PCDH15: variants seen among roughly 807,000 people sequenced by gnomAD.
PCDH15 encodes protocadherin-15.
A neutral mutation model predicts 178.5 loss-of-function variants in PCDH15; 129 were observed. That is an observed-to-expected ratio of 0.72 (90% CI 0.63 to 0.84). PCDH15 has a LOEUF of 0.84. Among genes scored for constraint, PCDH15 ranks in the 40% least tolerant of loss-of-function variants. The pLI, the probability that PCDH15 is intolerant of heterozygous loss-of-function variation, is 0.00. For missense variants in PCDH15, 2,230 were observed against 2,099.9 expected (o/e 1.06, Z -1.21); for synonymous variants, 800 against 732.0 (o/e 1.09, Z -1.50).
chr10:54,484,130 C>T (rs953545770), intron 3 of PCDH15, among the ~76,000 whole-genome samples: 1 of 151,814 alleles, frequency 6.6e-6, no homozygotes, highest in Non-Finnish European at 1.5e-5. Context: ...TGGAACCCAA[C>T]GAGTGATGCC....
At chr10:54,443,605 A>G (rs929724093) in intron 3 of PCDH15, among the ~76,000 whole-genome samples, 1 of 151,754 alleles carries the variant, frequency 6.6e-6, no homozygotes, top group Non-Finnish European at 1.5e-5. Context: ...TTAAACATCC[A>G]TCTGTCGGAC....
intron 8 of PCDH15, among the ~76,000 whole-genome samples, chr10:54,309,873 T>C (rs2060796054): frequency 6.6e-6 from 1 of 152,028 alleles, no homozygotes; most frequent in African/African-American, 2.4e-5. Flanking sequence ...CAAAGAAGTT[T>C]AAAGAATTCA....
At chr10:53,927,402 A>AC (rs2084659244) in intron 25 of PCDH15, among the ~76,000 whole-genome samples, 1 of 152,142 alleles carries the variant, frequency 6.6e-6, no homozygotes, top group Admixed American at 6.6e-5. Context: ...TAACTCATCA[A>AC]ATGTTCTTGC....
intron 2 of PCDH15, among the ~76,000 whole-genome samples, chr10:55,108,027 T>C (rs571009422): frequency 6.6e-6 from 1 of 152,238 alleles, no homozygotes; most frequent in African/African-American, 2.4e-5. Context: ...ATGATAGAAT[T>C]GGTGCCCATA....
intron 8 of PCDH15, among the ~76,000 whole-genome samples, chr10:54,317,022 A>G (rs1564947611): frequency 6.6e-6 from 1 of 152,158 alleles, no homozygotes; most frequent in African/African-American, 2.4e-5. Flanking sequence ...TTATTGGTAA[A>G]AAAATAAAAT....
chr10:53,985,714 A>G (rs1035569145), intron 21 of PCDH15, among the ~76,000 whole-genome samples: 7 of 151,968 alleles, frequency 4.6e-5, no homozygotes, highest in African/African-American at 1.7e-4. Context: ...ACTCCCTACT[A>G]CCTTATGCTA....
At chr10:54,979,492 A>G (rs1412897387) in intron 2 of PCDH15, among the ~76,000 whole-genome samples, 2 of 151,978 alleles carry the variant, frequency 1.3e-5, no homozygotes, top group Non-Finnish European at 2.9e-5. Context: ...AACACAGCAA[A>G]GCCCCATCTC....
At chr10:54,814,675 A>T (rs779521206) in intron 3 of PCDH15, among the ~76,000 whole-genome samples, 3 of 152,206 alleles carry the variant, frequency 2.0e-5, no homozygotes, top group Non-Finnish European at 2.9e-5. Flanking sequence ...CAGCTATAAG[A>T]CATGATTACA....
At chr10:55,552,869 A>G (rs2132089732) in intron 2 of PCDH15, among the ~76,000 whole-genome samples, 1 of 151,738 alleles carries the variant, frequency 6.6e-6, no homozygotes, top group South Asian at 2.1e-4. Context: ...TGCAGGGAAT[A>G]CTAAACAACG....
chr10:54,067,122 T>C (rs1188323209), intron 17 of PCDH15, among the ~76,000 whole-genome samples: 1 of 152,128 alleles, frequency 6.6e-6, no homozygotes, highest in Non-Finnish European at 1.5e-5. Flanking sequence ...AGGGCAAACA[T>C]CTTTTTGGAA....
At chr10:54,013,964 G>A (rs1039653045) in intron 20 of PCDH15, among the ~76,000 whole-genome samples, 2 of 151,530 alleles carry the variant, frequency 1.3e-5, no homozygotes, top group African/African-American at 4.8e-5. Flanking sequence ...ATGAATTTAG[G>A]AATTATCTTA....
intron 10 of PCDH15, among the ~76,000 whole-genome samples, chr10:54,203,459 A>G (rs2050457000): frequency 6.6e-6 from 1 of 152,186 alleles, no homozygotes; most frequent in Non-Finnish European, 1.5e-5. Context: ...TTTTAAATAA[A>G]GGAACCTCAG....
chr10:55,515,935 A>T (rs1841003879), intron 2 of PCDH15, among the ~76,000 whole-genome samples: 1 of 152,184 alleles, frequency 6.6e-6, no homozygotes, highest in Non-Finnish European at 1.5e-5. Flanking sequence ...AGGAATTCAG[A>T]TTTCCAAAGT....
rs531000746 is a variant in PCDH15 at position 54,997,733 on chromosome 10, T to A, written c.-79-100233A>T. ...TAATATTTACAGGTTATAAAATGGT[T>A]AACAAGGAAATGCTGATTTTGTCTA... is the stretch of plus-strand genomic sequence containing the variant. On this transcript the variant is annotated intron_variant, in intron 2 of 5. Coordinates refer to the PCDH15 transcript ENST00000458638. 4.6e-5 allele frequency among the ~76,000 whole-genome samples: 7 copies of A among 152,278 alleles called. No homozygotes were observed. In the South Asian group the frequency reaches 1.4e-3, roughly 32 times the overall value.
At chr10:55,251,495 C>A (rs1358806892) in intron 1 of PCDH15, among the ~76,000 whole-genome samples, 1 of 152,054 alleles carries the variant, frequency 6.6e-6, no homozygotes, top group Non-Finnish European at 1.5e-5. Context: ...ATTCATTCAG[C>A]ATAAGTATGT....
intron 3 of PCDH15, among the ~76,000 whole-genome samples, chr10:54,893,533 G>T (rs565882653): frequency 1.3e-5 from 2 of 152,110 alleles, no homozygotes; most frequent in East Asian, 3.9e-4. Flanking sequence ...AGAATAACTT[G>T]CTTGGTTAGT....
chr10:54,576,065 A>G (rs1338067747), intron 2 of PCDH15, among the ~76,000 whole-genome samples: 1 of 134,270 alleles, frequency 7.4e-6, no homozygotes, highest in East Asian at 2.2e-4. Context: ...AAACAAACAA[A>G]CAAGCTCTAT....
chr10:54,674,473 G>A (rs1472985900), intron 1 of PCDH15, among the ~76,000 whole-genome samples: 2 of 151,976 alleles, frequency 1.3e-5, no homozygotes, highest in East Asian at 3.9e-4. Flanking sequence ...GTAACTCAAA[G>A]TCTAATACAG....
Position 54,000,759 on chromosome 10 carries a change from G to A in PCDH15, c.2752-4994C>T, listed in dbSNP as rs370605396. ...AAGAGGAGACAGACAAAGAGATAAG[G>A]GTAGAAAGTTTATTAAAAGGAATAA... On this transcript the variant is annotated intron_variant, in intron 20 of 37. Coordinates refer to ENST00000644397, the MANE Select transcript of PCDH15 (RefSeq NM_001384140.1). Among the ~76,000 whole-genome samples the A allele has an allele frequency of 8.6e-5, 13 of 151,922 alleles. 1 individual carries two copies. Among genetic ancestry groups the A allele is most frequent in the East Asian group, 5.8e-4 (3 of 5,160 alleles).
Sources: gnomAD v4.1 joint callset for allele counts (sites outside exome capture counted in the v4.1 genomes callset) on GRCh38, gnomAD v4.1.1 for gene constraint, MANE v1.5 for transcripts, NCBI Gene and HGNC (gene_info 2026-07-23, HGNC 2026-07-21) for gene names.